NRF1: variants seen among roughly 807,000 people sequenced by gnomAD.
The protein encoded by NRF1 is alpha palindromic-binding protein.
Under a neutral mutation model 58.5 loss-of-function variants are expected in NRF1, and 5 were observed. The observed-to-expected ratio is 0.09, with a 90% CI of 0.04 to 0.18. The LOEUF (loss-of-function observed/expected upper bound fraction) is 0.18. NRF1 is among the 10% of genes least tolerant of loss of function. The probability of loss-of-function intolerance (pLI) is 1.00; values close to 1 mark genes in which losing one functional copy is unlikely to be tolerated. For missense variants in NRF1, 288 were observed against 657.7 expected, an observed-to-expected ratio of 0.44 and a Z score of 6.15; for synonymous variants, 224 against 246.7, an observed-to-expected ratio of 0.91 and a Z score of 0.86.
intron 10 of NRF1, among the ~76,000 whole-genome samples, chr7:129,738,752 A>G (rs964736042): frequency 3.9e-5 from 6 of 152,320 alleles, no homozygotes; most frequent in African/African-American, 1.4e-4. Context: ...ACTGAGTAGA[A>G]TAGATCTTCT....
intron 1 of NRF1, among the ~76,000 whole-genome samples, chr7:129,640,913 A>G (rs936159507): frequency 3.9e-5 from 6 of 152,218 alleles, no homozygotes; most frequent in Admixed American, 1.3e-4. Flanking sequence ...TATCAAGGTA[A>G]GATTATATCT....
intron 1 of NRF1, among the ~76,000 whole-genome samples, chr7:129,619,598 C>CT (rs1371813699): frequency 1.3e-5 from 2 of 148,238 alleles, no homozygotes; most frequent in Non-Finnish European, 3.0e-5. Context: ...CCTACAGAAT[C>CT]TAACTTAGTA....
At chr7:129,742,542 C>T (rs1374928148) in intron 10 of NRF1, among the ~76,000 whole-genome samples, 1 of 152,102 alleles carries the variant, frequency 6.6e-6, no homozygotes, top group African/African-American at 2.4e-5. Flanking sequence ...ATGCAGAGGC[C>T]TGGTGGGGGA....
intron 1 of NRF1, among the ~76,000 whole-genome samples, chr7:129,635,744 T>C (rs1318011517): frequency 2.0e-5 from 3 of 152,146 alleles, no homozygotes; most frequent in Admixed American, 2.0e-4. Flanking sequence ...CAAGTGGTTG[T>C]CTAGGTTTTG....
chr7:129,616,800 A>G lies in NRF1; in HGVS notation c.-7+4976A>G, dbSNP rs145156582. On this transcript the variant is annotated intron_variant, in intron 1 of 10. Transcript: ENST00000393232. ...TCCAACTGCTACTGAACCATCAGAT[A>G]ATTTCTTGAGGAAGCCGTTTCTCTT... Among the ~76,000 whole-genome samples, 5 of 152,268 alleles carry G rather than the reference A, an allele frequency of 3.3e-5. No homozygotes were observed. The East Asian group carries it at 9.6e-4, about 29-fold the overall frequency.
chr7:129,739,878 A>G (rs1458175941), intron 10 of NRF1, among the ~76,000 whole-genome samples: 2 of 152,218 alleles, frequency 1.3e-5, no homozygotes, highest in African/African-American at 4.8e-5. Flanking sequence ...GACAGGAGCC[A>G]TGACTATTGC....
intron 5 of NRF1, among the ~76,000 whole-genome samples, chr7:129,698,023 C>A (rs529945730): frequency 6.6e-6 from 1 of 152,094 alleles, no homozygotes; most frequent in Non-Finnish European, 1.5e-5. Flanking sequence ...TGAGCCACTG[C>A]ACCCAGCCAA....
chr7:129,704,129 ATGCT>A (rs999101692), intron 5 of NRF1, among the ~76,000 whole-genome samples: 1 of 149,976 alleles, frequency 6.7e-6, no homozygotes. Context: ...CGTATTTTTA[ATGCT>A]CAAGGACCGA....
At chr7:129,737,180 C>G (rs886950429) in intron 10 of NRF1, among the ~76,000 whole-genome samples, 6 of 152,216 alleles carry the variant, frequency 3.9e-5, no homozygotes, top group African/African-American at 1.4e-4. Flanking sequence ...GCTTGCCTTT[C>G]GCAGATGAAG....
In NRF1 at chr7:129,634,756, A is replaced by G. The variant is rs551734080; in HGVS notation, c.-6-22590A>G. ...TGGTAAGACTATGTTTAGTTTTGTA[A>G]GAAATTGCCAAACAGGCTTCCAAAG... On this transcript the variant is annotated intron_variant, in intron 1 of 10. Transcript: ENST00000393232. Among the ~76,000 whole-genome samples the G allele has an allele frequency of 2.6e-4, 39 of 152,354 alleles. No individual in the cohort carries two copies. In the South Asian group the frequency reaches 7.9e-3, roughly 31 times the overall value.
chr7:129,745,516 C>CCA lies in NRF1; in HGVS notation c.1349-9502_1349-9501insCA, dbSNP rs372698724. ...AAACCATCCCCCTCAACCCCCCCCC[C>CCA]ATCCATGGAAATACTGTCTTCCATG... On this transcript the variant is annotated intron_variant, in intron 10 of 10. Transcript: ENST00000393232. Among the ~76,000 whole-genome samples the CCA allele has an allele frequency of 1.3e-4, 18 of 140,452 alleles. 1 individual carries two copies. The highest frequency in any genetic ancestry group is 2.5e-4 in the Non-Finnish European group (16 of 64,040). 92.1% of individuals were successfully genotyped at this position (140,452 alleles called of 152,430 possible).
At chr7:129,676,548 C>T (rs776534587) in intron 3 of NRF1, among the ~76,000 whole-genome samples, 2 of 152,230 alleles carry the variant, frequency 1.3e-5, no homozygotes, top group Non-Finnish European at 2.9e-5. Context: ...ACACACACAA[C>T]ATTTATCAGT....
At chr7:129,720,118 T>C (rs1275865220) in intron 9 of NRF1, among the ~76,000 whole-genome samples, 3 of 152,126 alleles carry the variant, frequency 2.0e-5, no homozygotes, top group African/African-American at 4.8e-5. Flanking sequence ...CACTGTGGCA[T>C]AGAGGAGGAA....
In NRF1 at chr7:129,611,725, C is replaced by G. The variant is rs952245642; in HGVS notation, c.-106C>G. On this transcript the variant is annotated 5_prime_UTR_variant, in exon 1 of 11. Coordinates refer to ENST00000393232, the MANE Select transcript of NRF1 (RefSeq NM_005011.5). ...TCGGCGGCGGCGGCGGCGGCAGAAG[C>G]GGCAGCGCTCGCCATTGCCGCTGGT... 2.9e-6 allele frequency: 1 copy of G among 350,284 alleles called. No homozygotes were observed. The highest frequency in any genetic ancestry group is 5.1e-6 in the Non-Finnish European group (1 of 195,016). 21.7% of individuals were successfully genotyped at this position (350,284 alleles called of 1,614,324 possible). A position where few individuals can be genotyped will look rare whatever the true frequency, so the allele number is the denominator to read the frequency against.
chr7:129,746,962 A>G (rs1803990714), intron 10 of NRF1, among the ~76,000 whole-genome samples: 2 of 152,206 alleles, frequency 1.3e-5, no homozygotes, highest in Non-Finnish European at 2.9e-5. Context: ...CAATTCCCAA[A>G]GGTTTCCCAG....
rs1802538354 is a variant in NRF1 at position 129,690,398 on chromosome 7, C to T, written c.466-8C>T. 1 of 1,610,840 alleles carries T rather than the reference C, an allele frequency of 6.2e-7. No homozygotes were observed. The highest frequency in any genetic ancestry group is 8.5e-7 in the Non-Finnish European group (1 of 1,178,306). Reference sequence around the variant, plus strand: ...ATCTTGTTTACTTCTGCCCTTAATTCCCTGCAGGTGCGTAAGTACAAGAGC... The same window carrying T: ...ATCTTGTTTACTTCTGCCCTTAATTTCCTGCAGGTGCGTAAGTACAAGAGC... On this transcript the variant is annotated splice_polypyrimidine_tract_variant and splice_region_variant and intron_variant, in intron 4 of 10. Transcript: ENST00000393232.
chr7:129,638,504 G>A (rs1801219445), intron 1 of NRF1, among the ~76,000 whole-genome samples: 1 of 152,134 alleles, frequency 6.6e-6, no homozygotes, highest in Non-Finnish European at 1.5e-5. Context: ...TGATAAATGT[G>A]GGTATGGTAA....
At chr7:129,699,053 C>T (rs1444049713) in intron 5 of NRF1, among the ~76,000 whole-genome samples, 1 of 152,196 alleles carries the variant, frequency 6.6e-6, no homozygotes, top group Non-Finnish European at 1.5e-5. Context: ...TCTCCCTTCC[C>T]TCACCTTCCT....
At chr7:129,707,434 A>G (rs1456647126) in intron 5 of NRF1, among the ~76,000 whole-genome samples, 3 of 152,212 alleles carry the variant, frequency 2.0e-5, no homozygotes, top group Non-Finnish European at 2.9e-5. Context: ...ATGAAAGTCT[A>G]TATCAATTTA....
Sources: allele counts gnomAD v4.1 joint callset (sites outside exome capture counted in the v4.1 genomes callset), GRCh38; gene constraint gnomAD v4.1.1; transcripts MANE v1.5; gene names NCBI Gene and HGNC (gene_info 2026-07-23, HGNC 2026-07-21).